Variants in PLD1 observed in about 807,000 individuals in gnomAD.
PLD1 encodes phospholipase D1, also known as choline phosphatase 1.
Under a neutral mutation model 137.1 loss-of-function variants are expected in PLD1, and 112 were observed. The observed-to-expected ratio is 0.82, with a 90% CI of 0.70 to 0.96. PLD1 has a LOEUF of 0.96. Ranked by LOEUF, PLD1 falls within the 40% of genes least tolerant of loss-of-function variation. The probability of loss-of-function intolerance (pLI) is 0.00; values close to 1 mark genes in which losing one functional copy is unlikely to be tolerated. For synonymous variants in PLD1, 431 were observed against 454.7 expected, an observed-to-expected ratio of 0.95 and a Z score of 0.66; for missense variants, 1,321 against 1,342.0, an observed-to-expected ratio of 0.98 and a Z score of 0.24.
At chr3:171,774,531 C>T (rs993225778) in intron 1 of PLD1, among the ~76,000 whole-genome samples, 1 of 152,120 alleles carries the variant, frequency 6.6e-6, no homozygotes, top group Admixed American at 6.5e-5. Flanking sequence ...GATGCTAAAC[C>T]GGAAAGTGTC....
chr3:171,652,305 CG>C (rs1352300916), intron 21 of PLD1, among the ~76,000 whole-genome samples: 1 of 149,672 alleles, frequency 6.7e-6, no homozygotes, highest in Non-Finnish European at 1.5e-5. Flanking sequence ...CCCAGCTACT[CG>C]GGAGGCTGAG....
chr3:171,789,462 TA>T (rs1198305875), intron 1 of PLD1: 1 of 152,230 alleles, frequency 6.6e-6, no homozygotes, highest in Non-Finnish European at 1.5e-5. Context: ...GATGGCTCTG[TA>T]AAACTAGGTA....
At chr3:171,672,634 T>C (rs1712900002) in intron 19 of PLD1, among the ~76,000 whole-genome samples, 1 of 151,868 alleles carries the variant, frequency 6.6e-6, no homozygotes, top group African/African-American at 2.4e-5. Flanking sequence ...ACCGCAAGCA[T>C]GTGCCACCAT....
chr3:171,635,271 T>C (rs1392297928), intron 23 of PLD1, among the ~76,000 whole-genome samples: 1 of 152,200 alleles, frequency 6.6e-6, no homozygotes, highest in Non-Finnish European at 1.5e-5. Flanking sequence ...TTTTTAATAT[T>C]TGGGTAAATG....
intron 9 of PLD1, among the ~76,000 whole-genome samples, chr3:171,712,218 G>A (rs769378730): frequency 6.6e-6 from 1 of 152,236 alleles, no homozygotes; most frequent in Non-Finnish European, 1.5e-5. Context: ...CTGCTGCTGG[G>A]CTGTGGAGAC....
chr3:171,616,797 C>T (rs1174279080), intron 24 of PLD1, among the ~76,000 whole-genome samples: 2 of 152,204 alleles, frequency 1.3e-5, no homozygotes, highest in Non-Finnish European at 2.9e-5. Flanking sequence ...GAATTTCTAA[C>T]CTACTGAAGT....
intron 23 of PLD1, among the ~76,000 whole-genome samples, chr3:171,640,027 T>C (rs73038075): frequency 0.07 from 10,585 of 151,642 alleles, 1,077 homozygotes; most frequent in African/African-American, 0.22. Context: ...TCTTAGTTTC[T>C]GATTTTGGTA....
Position 171,687,530 on chromosome 3 carries a change from C to T in PLD1, c.1594G>A (p.Val532Ile), listed in dbSNP as rs765472815. The change falls in exon 15 of 27, where the codon GTT becomes ATT. Residue 532 changes from valine to isoleucine, a missense_variant. Transcript: ENST00000351298. ...CTCTTCTGGATGGGTAGGTTTTGAA[C>T]AGGCTCATTTTTATCTTTGAGTCTT... Reference protein sequence around the residue: ...SLRLKDKNEPVQNLPIQKSID... With the variant: ...SLRLKDKNEPIQNLPIQKSID... 1 of 1,614,030 alleles carries T rather than the reference C, an allele frequency of 6.2e-7. No homozygotes were observed. Among genetic ancestry groups the T allele is most frequent in the South Asian group, 1.1e-5 (1 of 91,080 alleles).
chr3:171,643,122 C>T (rs912579232), intron 22 of PLD1: 2 of 366,284 alleles, frequency 5.5e-6, no homozygotes, highest in Non-Finnish European at 9.7e-6. Flanking sequence ...TTATAAAATT[C>T]GTGTTAGATT....
intron 12 of PLD1, among the ~76,000 whole-genome samples, chr3:171,695,678 T>C (rs952043890): frequency 3.9e-5 from 6 of 152,162 alleles, no homozygotes; most frequent in African/African-American, 9.7e-5. Flanking sequence ...CAAGGGAGCA[T>C]AGTGAAAATA....
intron 21 of PLD1, among the ~76,000 whole-genome samples, chr3:171,647,333 G>C: frequency 6.6e-6 from 1 of 151,908 alleles, no homozygotes; most frequent in East Asian, 1.9e-4. Flanking sequence ...TGTTTGTAAA[G>C]TGTATATAAT....
intron 24 of PLD1, among the ~76,000 whole-genome samples, chr3:171,613,425 C>G (rs964439214): frequency 5.9e-5 from 9 of 152,086 alleles, no homozygotes; most frequent in Non-Finnish European, 1.3e-4. Context: ...GGAAAGATGG[C>G]TTTGCTTTTG....
In PLD1 at chr3:171,761,651, T is replaced by C. The variant is rs542733125; in HGVS notation, c.-31-23569A>G. On this transcript the variant is annotated intron_variant, in intron 1 of 26. Transcript: ENST00000351298. Reference sequence around the variant, plus strand: ...GCAGTGTTTCCTAGGATTTACAGAGTGGGAAAGTATTAAGTCTAGTGCTCA... The same window carrying C: ...GCAGTGTTTCCTAGGATTTACAGAGCGGGAAAGTATTAAGTCTAGTGCTCA... 2.6e-5 allele frequency among the ~76,000 whole-genome samples: 4 copies of C among 152,202 alleles called. No individual in the cohort carries two copies. The East Asian group carries it at 5.8e-4, about 22-fold the overall frequency.
intron 1 of PLD1, among the ~76,000 whole-genome samples, chr3:171,806,648 C>A (rs111312624): frequency 1.2e-4 from 18 of 152,258 alleles, no homozygotes; most frequent in African/African-American, 4.3e-4. Context: ...GTGTTGGGTC[C>A]CCTAGTATCA....
chr3:171,639,056 C>A (rs1735408868), intron 23 of PLD1, among the ~76,000 whole-genome samples: 1 of 151,668 alleles, frequency 6.6e-6, no homozygotes, highest in Non-Finnish European at 1.5e-5. Context: ...ACATAGCCAG[C>A]TTTCCTGGGT....
chr3:171,745,283 G>A (rs1456290474), intron 1 of PLD1, among the ~76,000 whole-genome samples: 5 of 152,206 alleles, frequency 3.3e-5, no homozygotes, highest in African/African-American at 4.8e-5. Flanking sequence ...TGAAAGGCAC[G>A]TTACAGGTAT....
chr3:171,654,300 C>CA (rs35731319), intron 21 of PLD1: 2,381 of 113,692 alleles, frequency 0.021, 8 homozygotes, highest in Middle Eastern at 0.049. Context: ...AAGACTGTCT[C>CA]AAAAAAAAAA....
In PLD1 at chr3:171,639,679, TATA is replaced by T. The variant is rs1424722308; in HGVS notation, c.2593+3158_2593+3160del. ...ATATATTCATATAATATATATTATA[TATA>T]ATACCTATTCATATAATATATATTA... On this transcript the variant is annotated intron_variant, in intron 23 of 26. Transcript: ENST00000351298. 1.1e-4 allele frequency among the ~76,000 whole-genome samples: 13 copies of T among 123,572 alleles called. 1 individual carries two copies. The highest frequency in any genetic ancestry group is 1.9e-4 in the Non-Finnish European group (12 of 62,676). The allele number at this position is 123,572 out of a possible 152,430, so 81.1% of individuals were successfully genotyped here.
chr3:171,791,049 C>T (rs914045022), intron 1 of PLD1, among the ~76,000 whole-genome samples: 4 of 152,202 alleles, frequency 2.6e-5, no homozygotes, highest in African/African-American at 9.7e-5. Context: ...GAGACAGCCA[C>T]AGTAAAAGCT....
Sources: allele counts gnomAD v4.1 joint callset (sites outside exome capture counted in the v4.1 genomes callset), GRCh38; gene constraint gnomAD v4.1.1; transcripts MANE v1.5; gene names NCBI Gene and HGNC (gene_info 2026-07-23, HGNC 2026-07-21).